Variants in SPAG5 observed in about 807,000 individuals in gnomAD.
SPAG5 encodes the protein sperm associated antigen 5.
Under a neutral mutation model 145.4 loss-of-function variants are expected in SPAG5, and 99 were observed. The observed-to-expected ratio is 0.68, with a 90% CI of 0.58 to 0.80. SPAG5 has a LOEUF of 0.80. Ranked by LOEUF, SPAG5 falls within the 30% of genes least tolerant of loss-of-function variation. The pLI, the probability that SPAG5 is intolerant of heterozygous loss-of-function variation, is 0.00. For synonymous variants in SPAG5, 477 were observed against 525.4 expected (o/e 0.91, Z 1.26); for missense variants, 1,192 against 1,416.0 (o/e 0.84, Z 2.54).
At chr17:28,597,011 C>T (rs1337652835) in intron 2 of SPAG5, among the ~76,000 whole-genome samples, 1 of 151,888 alleles carries the variant, frequency 6.6e-6, no homozygotes, top group Non-Finnish European at 1.5e-5. Context: ...CGCTTGAACC[C>T]GGGAGGCAGA....
At chr17:28,585,784 G>A in intron 7 of SPAG5, 80 bp downstream of exon 7, 3 of 1,609,834 alleles carry the variant, frequency 1.9e-6, no homozygotes, top group Non-Finnish European at 2.5e-6. Context: ...ACCCATCTGT[G>A]TCTAAAGTGC....
rs774337731 is a variant in SPAG5 at position 28,598,902 on chromosome 17, G to A, written c.45C>T (p.Pro15=). ...CCAGAGATCTCCCGCTTACCGTCTG[G>A]GGCGAAGGCGACAGGCTGAGGCTCA... The part of the protein sequence containing the change: ...KKLSLSLSPS[P]QTGKPSMRTP... Residue 15 remains proline (P), a synonymous_variant, in exon 1 of 24, where the codon CCC becomes CCT. Coordinates refer to ENST00000321765, the MANE Select transcript of SPAG5 (RefSeq NM_006461.4). 6 of 1,613,762 alleles carry A rather than the reference G, an allele frequency of 3.7e-6. No homozygotes were observed. Among genetic ancestry groups the A allele is most frequent in the Middle Eastern group, 1.6e-4 (1 of 6,082 alleles).
chr17:28,598,345 C>A lies in SPAG5; in HGVS notation c.177+165G>T, dbSNP rs985081327. 98 of 754,754 alleles carry A rather than the reference C, an allele frequency of 1.3e-4. No individual in the cohort carries two copies. The South Asian group carries it at 2.0e-3, about 16-fold the overall frequency. 46.8% of individuals were successfully genotyped at this position (754,754 alleles called of 1,614,324 possible). A position where few individuals can be genotyped will look rare whatever the true frequency, so the allele number is the denominator to read the frequency against. ...CAAGTTCTCACTGGATTTCCTTTAA[C>A]CACCCTAGGGCACCTCTCTGTTGGC... On this transcript the variant is annotated intron_variant, in intron 2 of 23. Coordinates refer to ENST00000321765, the MANE Select transcript of SPAG5 (RefSeq NM_006461.4).
chr17:28,588,427 A>G (rs2070599677), intron 4 of SPAG5, among the ~76,000 whole-genome samples: 1 of 152,194 alleles, frequency 6.6e-6, no homozygotes, highest in East Asian at 1.9e-4. Context: ...GGACACAAAG[A>G]TAAGAAAACA....
rs1233208358 is a variant in SPAG5, at chr17:28,585,429, C to T, written c.1861-18G>A. ...AGCCCTACCTACAAAAGAAAGATTG[C>T]CTAGGCGGGAACCCCTTCCCTTTGG... On this transcript the variant is annotated intron_variant, in intron 8 of 23. Transcript: ENST00000321765. The T allele has an allele frequency of 6.2e-7, 1 of 1,613,928 alleles. No individual in the cohort carries two copies. Among genetic ancestry groups the T allele is most frequent in the Non-Finnish European group, 8.5e-7 (1 of 1,179,968 alleles).
At chr17:28,589,093 T>C (rs1376100441) in intron 4 of SPAG5, among the ~76,000 whole-genome samples, 1 of 152,022 alleles carries the variant, frequency 6.6e-6, no homozygotes, top group Non-Finnish European at 1.5e-5. Context: ...ATATTGACAA[T>C]TTAAAATAAT....
At chr17:28,581,409 G>A (rs548725612) in intron 15 of SPAG5, among the ~76,000 whole-genome samples, 93 of 151,404 alleles carry the variant, frequency 6.1e-4, no homozygotes, top group African/African-American at 2.2e-3. Context: ...TGCCATCCTC[G>A]TCCTGCTACC....
At chr17:28,578,317 G>A in intron 21 of SPAG5, 25 bp from the exon 22 acceptor site, 1 of 1,613,922 alleles carries the variant, frequency 6.2e-7, no homozygotes, top group South Asian at 1.1e-5. Flanking sequence ...AGATCAACAG[G>A]GGTACAGCCT....
At chr17:28,583,089 C>T (rs1006259893) in intron 15 of SPAG5, among the ~76,000 whole-genome samples, 45 of 152,214 alleles carry the variant, frequency 3.0e-4, no homozygotes, top group African/African-American at 9.7e-4. Context: ...GTGATCCTCT[C>T]ACCTCAGCCT....
intron 2 of SPAG5, among the ~76,000 whole-genome samples, chr17:28,594,753 TTTG>T (rs2070649226): frequency 1.3e-5 from 2 of 152,146 alleles, no homozygotes; most frequent in Admixed American, 6.5e-5. Context: ...TTTATAGTAA[TTTG>T]TTATGCTGTT....
chr17:28,598,551 A>G lies in SPAG5; in HGVS notation c.136T>C (p.Cys46Arg). Residue 46 changes from cysteine (C) to arginine (R), a missense_variant, in exon 2 of 24, where the codon TGC (cysteine) becomes CGC (arginine). Physicochemically the swap from Cys to Arg is radical, Grantham distance 180. Transcript: ENST00000321765. ...LTNSGKRSPA[C>R]SSLTPSLCKL... ...CACAGTGATGGGGTCAGCGAGGAGCAAGCGGGGGATCTTTTTCCAGAGTTG... is the reference window on the plus strand; with the variant it reads ...CACAGTGATGGGGTCAGCGAGGAGCGAGCGGGGGATCTTTTTCCAGAGTTG... 1 of 1,613,928 alleles carries G rather than the reference A, an allele frequency of 6.2e-7. No individual in the cohort carries two copies. Among genetic ancestry groups the G allele is most frequent in the South Asian group, 1.1e-5 (1 of 91,060 alleles).
At chr17:28,580,961 T>C (rs904529602) in intron 15 of SPAG5, among the ~76,000 whole-genome samples, 2 of 152,310 alleles carry the variant, frequency 1.3e-5, no homozygotes, top group Admixed American at 1.3e-4. Context: ...GTCAACTTAG[T>C]ATGTATGAAG....
At chr17:28,578,828 G>C in intron 19 of SPAG5, 76 bp from the exon 20 acceptor site, 1 of 1,208,416 alleles carries the variant, frequency 8.3e-7, no homozygotes. Context: ...GTAGGAGAGA[G>C]TGCCTGACCC....
At chr17:28,593,391 A>C (rs566560358) in intron 2 of SPAG5, among the ~76,000 whole-genome samples, 72 of 152,216 alleles carry the variant, frequency 4.7e-4, no homozygotes, top group Middle Eastern at 3.2e-3. Context: ...ATGAACAGAT[A>C]GGAGGGGTCC....
chr17:28,598,484 C>T, intron 2 of SPAG5, 26 bp downstream of exon 2: 1 of 1,611,098 alleles, frequency 6.2e-7, no homozygotes, highest in Non-Finnish European at 8.5e-7. Flanking sequence ...ACAGCCCAGT[C>T]GAGAAGCTGT....
chr17:28,581,592 T>C (rs2070549323), intron 15 of SPAG5, among the ~76,000 whole-genome samples: 1 of 150,732 alleles, frequency 6.6e-6, no homozygotes, highest in South Asian at 2.1e-4. Context: ...TTCCTTGGAG[T>C]CTGTCTCTCC....
chr17:28,586,035 C>CT (rs1446176237), intron 6 of SPAG5, 37 bp from the exon 7 acceptor site: 2 of 1,614,044 alleles, frequency 1.2e-6, no homozygotes, highest in African/African-American at 2.7e-5. Context: ...TCTGGTTCCT[C>CT]TTTATGGCTT....
At position 28,584,373 on chromosome 17, in the gene SPAG5, G is replaced by A. The variant is rs1020153488; in HGVS notation, c.2269C>T (p.Leu757Phe). The A allele has an allele frequency of 6.2e-7, 1 of 1,614,196 alleles. No individual in the cohort carries two copies. Among genetic ancestry groups the A allele is most frequent in the South Asian group, 1.1e-5 (1 of 91,088 alleles). ...TCATTGCTCTGGGTAAGCTGGCAGA[G>A]TAACTCATCCTTCATAGCCAGGTCC... Reference protein sequence around the residue: ...AQDLAMKDELLCQLTQSNEEQ... With the variant: ...AQDLAMKDELFCQLTQSNEEQ... The change falls in exon 12 of 24, where the codon CTC becomes TTC. Residue 757 changes from leucine (L) to phenylalanine (F), a missense_variant. Leu to Phe is a conservative substitution (Grantham distance 22). Transcript: ENST00000321765.
At chr17:28,594,723 T>G (rs2070648830) in intron 2 of SPAG5, among the ~76,000 whole-genome samples, 1 of 152,238 alleles carries the variant, frequency 6.6e-6, no homozygotes, top group South Asian at 2.1e-4. Context: ...GACCTGGGTA[T>G]TAGTTACATG....
Sources: gnomAD v4.1 joint callset for allele counts (sites outside exome capture counted in the v4.1 genomes callset) on GRCh38, gnomAD v4.1.1 for gene constraint, MANE v1.5 for transcripts, NCBI Gene and HGNC (gene_info 2026-07-23, HGNC 2026-07-21) for gene names.